LGSN: variants seen among roughly 807,000 people sequenced by gnomAD.
LGSN encodes lengsin, lens protein with glutamine synthetase domain, also known as lengsin.
In LGSN, 21 loss-of-function variants were observed where a neutral mutation model predicts 19.5. The observed-to-expected ratio is 1.07, with a 90% CI of 0.76 to 1.55. The LOEUF is 1.55. Among genes scored for constraint, LGSN ranks in the 40% most tolerant of loss-of-function variants. LGSN has a pLI of 0.00. For synonymous variants in LGSN, 257 were observed against 215.6 expected, an observed-to-expected ratio of 1.19 and a Z score of -1.68; for missense variants, 673 against 608.5, an observed-to-expected ratio of 1.11 and a Z score of -1.12.
At chr6:63,488,453 G>A in the LGSN span, among the ~76,000 whole-genome samples, 1 of 152,136 alleles carries the variant, frequency 6.6e-6, no homozygotes, top group South Asian at 2.1e-4. Flanking sequence ...ATACCTTGAT[G>A]AGCAGGAAGC....
At chr6:63,400,395 G>A in the LGSN span, among the ~76,000 whole-genome samples, 5 of 152,132 alleles carry the variant, frequency 3.3e-5, no homozygotes, top group African/African-American at 1.2e-4. Context: ...ATATAGCAGA[G>A]GTCCTACCAA....
the LGSN span, among the ~76,000 whole-genome samples, chr6:63,485,075 G>C: frequency 1.6e-4 from 24 of 151,978 alleles, 1 homozygote; most frequent in South Asian, 4.8e-3. Context: ...GTTACATGCA[G>C]GTTTGTTACA....
At chr6:63,417,824 T>G in the LGSN span, among the ~76,000 whole-genome samples, 2 of 152,204 alleles carry the variant, frequency 1.3e-5, no homozygotes, top group Non-Finnish European at 2.9e-5. Flanking sequence ...AGTGACAGTG[T>G]GACTATAACT....
At chr6:63,511,493 T>A in the LGSN span, among the ~76,000 whole-genome samples, 9 of 152,100 alleles carry the variant, frequency 5.9e-5, 1 homozygote, top group Admixed American at 5.9e-4. Flanking sequence ...TGACCTCAGG[T>A]GATCCACCCA....
chr6:63,403,380 G>T, the LGSN span, among the ~76,000 whole-genome samples: 1 of 152,002 alleles, frequency 6.6e-6, no homozygotes, highest in Non-Finnish European at 1.5e-5. Flanking sequence ...AAATCTGTGG[G>T]ATGACATAAA....
At chr6:63,440,440 C>T in the LGSN span, among the ~76,000 whole-genome samples, 2 of 152,078 alleles carry the variant, frequency 1.3e-5, no homozygotes, top group Admixed American at 1.3e-4. Flanking sequence ...TTCTCTTCAC[C>T]GAATAAACCC....
intron 1 of LGSN, among the ~76,000 whole-genome samples, chr6:63,317,730 C>A (rs890490581): frequency 3.5e-4 from 53 of 152,290 alleles, no homozygotes; most frequent in African/African-American, 1.2e-3. Flanking sequence ...TAGAGCCTCC[C>A]ATGGGGCTGC....
At chr6:63,432,153 G>GAAAGA in the LGSN span, among the ~76,000 whole-genome samples, 1 of 104,336 alleles carries the variant, frequency 9.6e-6, no homozygotes, top group African/African-American at 4.0e-5. Context: ...AAGAAAGAAA[G>GAAAGA]AAAGAAAGAA....
the LGSN span, among the ~76,000 whole-genome samples, chr6:63,470,762 G>A: frequency 4.0e-5 from 6 of 151,714 alleles, no homozygotes; most frequent in African/African-American, 1.5e-4. Context: ...TCCTTAGTAG[G>A]GGCACAAGAA....
At chr6:63,456,318 C>G in the LGSN span, among the ~76,000 whole-genome samples, 3 of 136,646 alleles carry the variant, frequency 2.2e-5, no homozygotes, top group Non-Finnish European at 3.1e-5. Context: ...GTCTATACTC[C>G]CAGGTTGCAG....
chr6:63,420,134 C>G, the LGSN span, among the ~76,000 whole-genome samples: 1 of 149,872 alleles, frequency 6.7e-6, no homozygotes, highest in African/African-American at 2.5e-5. Context: ...ACTCGGGAGG[C>G]GGAGCTTGCA....
At chr6:63,304,122 G>A (rs1768285046) in intron 1 of LGSN, among the ~76,000 whole-genome samples, 1 of 152,186 alleles carries the variant, frequency 6.6e-6, no homozygotes, top group East Asian at 1.9e-4. Context: ...CTTATCTCTT[G>A]ATGGATGCAA....
At chr6:63,310,839 T>G (rs1768598166) in intron 1 of LGSN, among the ~76,000 whole-genome samples, 1 of 152,214 alleles carries the variant, frequency 6.6e-6, no homozygotes, top group Non-Finnish European at 1.5e-5. Context: ...TTACCCTTGT[T>G]CGATGCAAGG....
the LGSN span, among the ~76,000 whole-genome samples, chr6:63,515,185 T>C: frequency 1.3e-5 from 2 of 151,072 alleles, no homozygotes; most frequent in South Asian, 4.2e-4. Context: ...CTGATATATA[T>C]CATTTATCTT....
At chr6:63,516,427 A>G in the LGSN span, among the ~76,000 whole-genome samples, 1 of 152,218 alleles carries the variant, frequency 6.6e-6, no homozygotes, top group East Asian at 1.9e-4. Context: ...AAGTCAAACA[A>G]CTGTTTTACG....
the LGSN span, among the ~76,000 whole-genome samples, chr6:63,526,856 A>C: frequency 7.7e-6 from 1 of 129,948 alleles, no homozygotes; most frequent in Non-Finnish European, 1.6e-5. Context: ...TATTCTTCTT[A>C]AGGGCTTCCA....
chr6:63,485,024 G>GT, the LGSN span, among the ~76,000 whole-genome samples: 12 of 150,934 alleles, frequency 8.0e-5, no homozygotes, highest in Non-Finnish European at 1.5e-4. Context: ...GACACTATTT[G>GT]TTTTTTTTAG....
chr6:63,355,733 C>A, the LGSN span, among the ~76,000 whole-genome samples: 1 of 152,156 alleles, frequency 6.6e-6, no homozygotes, highest in Non-Finnish European at 1.5e-5. Context: ...GGCTGTTGTG[C>A]AATGGTGCAA....
At chr6:63,283,272 T>G (rs1180911262) in intron 3 of LGSN, among the ~76,000 whole-genome samples, 1 of 152,182 alleles carries the variant, frequency 6.6e-6, no homozygotes, top group African/African-American at 2.4e-5. Context: ...TTGTCTTAAG[T>G]AGTGTTTATA....
Sources: gnomAD v4.1 joint callset for allele counts (sites outside exome capture counted in the v4.1 genomes callset) on GRCh38, gnomAD v4.1.1 for gene constraint, MANE v1.5 for transcripts, NCBI Gene and HGNC (gene_info 2026-07-23, HGNC 2026-07-21) for gene names.